Variants in GABBR2 observed in about 807,000 individuals in gnomAD.
GABBR2 encodes G-protein coupled receptor 51.
In GABBR2, 23 loss-of-function variants were observed where a neutral mutation model predicts 105.6. That is an observed-to-expected ratio of 0.22 (90% CI 0.16 to 0.31). The LOEUF (loss-of-function observed/expected upper bound fraction) is 0.31. Ranked by LOEUF, GABBR2 falls within the 10% of genes least tolerant of loss-of-function variation. The pLI is 1.00. For missense variants in GABBR2, 734 were observed against 1,245.5 expected, an observed-to-expected ratio of 0.59 and a Z score of 6.18; for synonymous variants, 478 against 499.7, an observed-to-expected ratio of 0.96 and a Z score of 0.58.
Position 98,289,437 on chromosome 9 carries a change from G to A in GABBR2, c.*1147C>T, listed in dbSNP as rs1457191105. 6.6e-6 allele frequency: 1 copy of A among 152,562 alleles called. No homozygotes were observed. The highest frequency in any genetic ancestry group is 1.5e-5 in the Non-Finnish European group (1 of 68,050). The allele number at this position is 152,562 out of a possible 1,614,324, so 9.5% of individuals were successfully genotyped here. On this transcript the variant is annotated 3_prime_UTR_variant, in exon 19 of 19. Transcript: ENST00000259455. ...AGGGGCTCAATTTAAAGGGAGGAAT[G>A]ATCTTATGAATGAGAATCAATCTGC...
chr9:98,372,269 T>C (rs1395503267), intron 11 of GABBR2, among the ~76,000 whole-genome samples: 4 of 152,150 alleles, frequency 2.6e-5, no homozygotes, highest in Non-Finnish European at 5.9e-5. Flanking sequence ...TCACCTGTAC[T>C]GTATCACTCC....
intron 3 of GABBR2, among the ~76,000 whole-genome samples, chr9:98,524,915 A>C (rs1178409055): frequency 2.0e-5 from 3 of 152,228 alleles, no homozygotes; most frequent in East Asian, 3.8e-4. Flanking sequence ...TTAATGAAGA[A>C]ATAATAATCT....
At chr9:98,589,023 G>T (rs10986850) in intron 1 of GABBR2, among the ~76,000 whole-genome samples, 2 of 152,268 alleles carry the variant, frequency 1.3e-5, no homozygotes, top group East Asian at 3.9e-4. Context: ...CAGGTGTGGC[G>T]TCTTTGGGTA....
intron 4 of GABBR2, among the ~76,000 whole-genome samples, chr9:98,491,367 T>C (rs1827172839): frequency 1.3e-5 from 2 of 152,214 alleles, no homozygotes; most frequent in Non-Finnish European, 2.9e-5. Flanking sequence ...AGTTCGTTTT[T>C]TGAAACACAA....
At chr9:98,688,412 A>AT (rs1830646928) in intron 1 of GABBR2, among the ~76,000 whole-genome samples, 2 of 114,376 alleles carry the variant, frequency 1.7e-5, no homozygotes, top group South Asian at 2.7e-4. Flanking sequence ...TATATATATA[A>AT]AATCTCCAGG....
chr9:98,370,512 G>T (rs192108452), intron 12 of GABBR2, among the ~76,000 whole-genome samples: 1 of 152,302 alleles, frequency 6.6e-6, no homozygotes, highest in Admixed American at 6.5e-5. Flanking sequence ...ATGGGATGAT[G>T]GGGAAAGAAT....
intron 1 of GABBR2, among the ~76,000 whole-genome samples, chr9:98,612,133 T>A (rs1239143390): frequency 6.6e-6 from 1 of 152,218 alleles, no homozygotes; most frequent in Non-Finnish European, 1.5e-5. Context: ...CTGCAGAGCC[T>A]GTAACTGTTC....
chr9:98,556,907 C>T (rs1828594963), intron 2 of GABBR2, among the ~76,000 whole-genome samples: 1 of 152,092 alleles, frequency 6.6e-6, no homozygotes, highest in Non-Finnish European at 1.5e-5. Flanking sequence ...TAGCCAAGCA[C>T]GGTGGCCATG....
intron 1 of GABBR2, among the ~76,000 whole-genome samples, chr9:98,603,968 GCTCT>G (rs899856516): frequency 6.6e-6 from 1 of 152,224 alleles, no homozygotes; most frequent in Non-Finnish European, 1.5e-5. Context: ...TCAGATGTGT[GCTCT>G]CTCATTGTGT....
chr9:98,438,046 C>A (rs1356268205), intron 7 of GABBR2, among the ~76,000 whole-genome samples: 2 of 150,794 alleles, frequency 1.3e-5, no homozygotes, highest in Non-Finnish European at 2.9e-5. Context: ...ATCCATTCAT[C>A]CATCCACCCA....
intron 11 of GABBR2, among the ~76,000 whole-genome samples, chr9:98,382,346 C>T (rs1831992375): frequency 6.6e-6 from 1 of 152,176 alleles, no homozygotes; most frequent in South Asian, 2.1e-4. Flanking sequence ...CCGAGTCTCG[C>T]TCTGTCGCCC....
chr9:98,682,757 A>T (rs1830566547), intron 1 of GABBR2, among the ~76,000 whole-genome samples: 1 of 152,282 alleles, frequency 6.6e-6, no homozygotes, highest in African/African-American at 2.4e-5. Flanking sequence ...AAAATAAGCA[A>T]GAGATACAAG....
At chr9:98,552,957 G>A (rs1340482167) in intron 2 of GABBR2, among the ~76,000 whole-genome samples, 1 of 151,974 alleles carries the variant, frequency 6.6e-6, no homozygotes, top group Admixed American at 6.6e-5. Flanking sequence ...GCTCACTGCA[G>A]CCCGGAACTC....
intron 13 of GABBR2, among the ~76,000 whole-genome samples, chr9:98,328,598 G>T (rs1830966110): frequency 6.6e-6 from 1 of 152,250 alleles, no homozygotes; most frequent in South Asian, 2.1e-4. Flanking sequence ...AAAGCTGCCA[G>T]GAGGCTGATA....
rs1461808077 is a variant in GABBR2 at position 98,405,801 on chromosome 9, C to T, written c.1297+280G>A. Among the ~76,000 whole-genome samples the T allele has an allele frequency of 4.6e-5, 7 of 152,182 alleles. No homozygotes were observed. The East Asian group carries it at 1.2e-3, about 25-fold the overall frequency. Reference sequence around the variant, plus strand: ...AAAGTCTGTATGTATTTGGTACAGACGGAATCATCCATTTTTTTCCTGAAT... The same window carrying T: ...AAAGTCTGTATGTATTTGGTACAGATGGAATCATCCATTTTTTTCCTGAAT... On this transcript the variant is annotated intron_variant, in intron 8 of 18. Transcript: ENST00000259455.
intron 3 of GABBR2, among the ~76,000 whole-genome samples, chr9:98,532,285 C>A (rs1473600030): frequency 6.6e-6 from 1 of 152,174 alleles, no homozygotes; most frequent in African/African-American, 2.4e-5. Flanking sequence ...CTGGCTGACC[C>A]ACAGGCCTGG....
At chr9:98,294,603 A>T (rs946070118) in intron 17 of GABBR2, among the ~76,000 whole-genome samples, 3 of 151,982 alleles carry the variant, frequency 2.0e-5, no homozygotes, top group Non-Finnish European at 4.4e-5. Context: ...GTCAGCTCCA[A>T]GCAGCTAGGA....
intron 1 of GABBR2, among the ~76,000 whole-genome samples, chr9:98,675,032 G>A (rs933741265): frequency 1.3e-5 from 2 of 152,184 alleles, no homozygotes; most frequent in Admixed American, 6.5e-5. Context: ...TGGAAACTGA[G>A]GTTCACAGGA....
chr9:98,477,596 T>C (rs972120513), intron 5 of GABBR2, among the ~76,000 whole-genome samples: 9 of 152,208 alleles, frequency 5.9e-5, no homozygotes, highest in Middle Eastern at 3.4e-3. Flanking sequence ...ACGGGTACTA[T>C]TGCATGAGAG....
Sources: gnomAD v4.1 joint callset for allele counts (sites outside exome capture counted in the v4.1 genomes callset) on GRCh38, gnomAD v4.1.1 for gene constraint, MANE v1.5 for transcripts, NCBI Gene and HGNC (gene_info 2026-07-23, HGNC 2026-07-21) for gene names.